Variants in CEP85L observed in about 807,000 individuals in gnomAD.
CEP85L encodes the protein centrosomal protein of 85 kDa-like.
CEP85L carries 60 observed loss-of-function variants against 100.3 expected under a neutral mutation model. The observed-to-expected ratio is 0.60, with a 90% CI of 0.49 to 0.74. The LOEUF is 0.74. Among genes scored for constraint, CEP85L ranks in the 30% least tolerant of loss-of-function variants. The probability of loss-of-function intolerance (pLI) is 0.00; values close to 1 mark genes in which losing one functional copy is unlikely to be tolerated. For missense variants in CEP85L, 973 were observed against 936.2 expected, an observed-to-expected ratio of 1.04 and a Z score of -0.51; for synonymous variants, 319 against 322.7, an observed-to-expected ratio of 0.99 and a Z score of 0.12.
chr6:118,529,049 A>G (rs1484236219), intron 3 of CEP85L, among the ~76,000 whole-genome samples: 1 of 152,218 alleles, frequency 6.6e-6, no homozygotes, highest in Non-Finnish European at 1.5e-5. Flanking sequence ...GTGGAAATAA[A>G]TCAGGTATCT....
intron 5 of CEP85L, chr6:118,501,513 C>A: frequency 2.1e-6 from 1 of 478,822 alleles, no homozygotes; most frequent in South Asian, 1.6e-5. Flanking sequence ...CCTGGCTACT[C>A]CATCATCATT....
At chr6:118,615,686 T>C (rs1395441988) in intron 2 of CEP85L, among the ~76,000 whole-genome samples, 1 of 152,164 alleles carries the variant, frequency 6.6e-6, no homozygotes, top group Non-Finnish European at 1.5e-5. Flanking sequence ...TTGGACCAAA[T>C]GGTATCAGCT....
At chr6:118,631,242 C>T (rs1383979432) in intron 2 of CEP85L, among the ~76,000 whole-genome samples, 1 of 152,148 alleles carries the variant, frequency 6.6e-6, no homozygotes, top group East Asian at 1.9e-4. Context: ...CTAAAAAATA[C>T]AGTCTATTTT....
chr6:118,660,414 G>C (rs1321758727), intron 1 of CEP85L, among the ~76,000 whole-genome samples: 1 of 152,238 alleles, frequency 6.6e-6, no homozygotes, highest in African/African-American at 2.4e-5. Context: ...CTGCAGTCAG[G>C]AGCTGGGGGA....
At chr6:118,609,920 T>G (rs892376351) in intron 2 of CEP85L, among the ~76,000 whole-genome samples, 1 of 151,738 alleles carries the variant, frequency 6.6e-6, no homozygotes, top group Non-Finnish European at 1.5e-5. Flanking sequence ...GGGCACAAAA[T>G]TGTGAGGGTG....
chr6:118,553,443 G>T (rs1174187609), intron 3 of CEP85L, among the ~76,000 whole-genome samples: 1 of 152,100 alleles, frequency 6.6e-6, no homozygotes, highest in Non-Finnish European at 1.5e-5. Flanking sequence ...ACAAATGTTG[G>T]TATTCAGTAG....
chr6:118,542,204 A>G, intron 3 of CEP85L, among the ~76,000 whole-genome samples: 1 of 152,322 alleles, frequency 6.6e-6, no homozygotes, highest in East Asian at 1.9e-4. Context: ...TAAAATTTGT[A>G]ACATATATTT....
intron 2 of CEP85L, among the ~76,000 whole-genome samples, chr6:118,617,510 C>A (rs1300726819): frequency 1.3e-5 from 2 of 152,178 alleles, no homozygotes; most frequent in Non-Finnish European, 2.9e-5. Flanking sequence ...TTCTCAAAAT[C>A]TAAAGCATGT....
chr6:118,513,074 T>C (rs1216400005), intron 4 of CEP85L, among the ~76,000 whole-genome samples: 3 of 151,900 alleles, frequency 2.0e-5, no homozygotes, highest in Non-Finnish European at 2.9e-5. Context: ...ATTAAAACAT[T>C]AGACATTACA....
At chr6:118,705,642 T>C (rs1777571028) in intron 1 of CEP85L, among the ~76,000 whole-genome samples, 1 of 152,380 alleles carries the variant, frequency 6.6e-6, no homozygotes, top group East Asian at 1.9e-4. Flanking sequence ...AATCATTATG[T>C]GGTTTTCCAA....
chr6:118,618,578 C>A (rs1328917689), intron 2 of CEP85L, among the ~76,000 whole-genome samples: 4 of 152,034 alleles, frequency 2.6e-5, no homozygotes, highest in African/African-American at 9.7e-5. Context: ...GCCCTTAGAG[C>A]AGTTGAATTG....
At position 118,462,592 on chromosome 6, in the gene CEP85L, C is replaced by T. The variant is rs183002535; in HGVS notation, c.*2813G>A. 1.7e-4 allele frequency: 26 copies of T among 152,012 alleles called. No individual in the cohort carries two copies. The highest frequency in any genetic ancestry group is 8.3e-4 in the South Asian group (4 of 4,818). 9.4% of individuals were successfully genotyped at this position (152,012 alleles called of 1,614,324 possible). A position where few individuals can be genotyped will look rare whatever the true frequency, so the allele number is the denominator to read the frequency against. On this transcript the variant is annotated 3_prime_UTR_variant, in exon 13 of 13. Coordinates refer to ENST00000368491, the MANE Select transcript of CEP85L (RefSeq NM_001042475.3). ...GGATTCACAAAAAGCACAATTAAAA[C>T]GAGGTTTCATTATCTAAGTAAATTT... is the stretch of plus-strand genomic sequence containing the variant.
chr6:118,572,185 G>GT (rs926332702), intron 2 of CEP85L, among the ~76,000 whole-genome samples: 1 of 142,580 alleles, frequency 7.0e-6, no homozygotes, highest in Non-Finnish European at 1.5e-5. Flanking sequence ...AACACAATGA[G>GT]TTTTTTTTCC....
intron 5 of CEP85L, among the ~76,000 whole-genome samples, chr6:118,509,028 TTC>T (rs1263147728): frequency 6.6e-5 from 10 of 152,148 alleles, no homozygotes; most frequent in Admixed American, 4.6e-4. Flanking sequence ...TTTCCTTGTA[TTC>T]TCTTTTACAA....
intron 1 of CEP85L, among the ~76,000 whole-genome samples, chr6:118,635,618 A>C (rs1375724723): frequency 6.6e-6 from 1 of 152,210 alleles, no homozygotes; most frequent in Non-Finnish European, 1.5e-5. Context: ...ATAGCTCAAG[A>C]TACGCAAATT....
intron 3 of CEP85L, among the ~76,000 whole-genome samples, chr6:118,551,480 TAAG>T (rs140547452): frequency 0.03 from 4,583 of 151,966 alleles, 135 homozygotes; most frequent in African/African-American, 0.06. Context: ...CCTACAGGGT[TAAG>T]AAGAATATTT....
chr6:118,650,887 G>C (rs770540456), intron 1 of CEP85L, among the ~76,000 whole-genome samples: 3 of 152,206 alleles, frequency 2.0e-5, no homozygotes, highest in Admixed American at 1.3e-4. Context: ...ACGAGTAAAA[G>C]GAAAAAACCG....
intron 2 of CEP85L, among the ~76,000 whole-genome samples, chr6:118,632,040 A>G (rs755270636): frequency 6.6e-5 from 10 of 152,190 alleles, no homozygotes; most frequent in Admixed American, 1.3e-4. Context: ...CCCAGGCTGG[A>G]GTGCAGTGGC....
chr6:118,592,024 G>A (rs962333945), intron 2 of CEP85L, among the ~76,000 whole-genome samples: 1 of 152,226 alleles, frequency 6.6e-6, no homozygotes, highest in East Asian at 1.9e-4. Context: ...AAAGTTCTTT[G>A]TATAACCTCT....
Sources: allele counts gnomAD v4.1 joint callset (sites outside exome capture counted in the v4.1 genomes callset), GRCh38; gene constraint gnomAD v4.1.1; transcripts MANE v1.5; gene names NCBI Gene and HGNC (gene_info 2026-07-23, HGNC 2026-07-21).